GDPD5: variants seen among roughly 807,000 people sequenced by gnomAD.
GDPD5 encodes glycerophosphodiester phosphodiesterase 2.
In GDPD5, 48 loss-of-function variants were observed where a neutral mutation model predicts 75.1. The observed-to-expected ratio is 0.64, with a 90% CI of 0.51 to 0.81. The LOEUF is 0.81. Ranked by LOEUF, GDPD5 falls within the 40% of genes least tolerant of loss-of-function variation. The pLI, the probability that GDPD5 is intolerant of heterozygous loss-of-function variation, is 0.00. For synonymous variants in GDPD5, 336 were observed against 339.0 expected (o/e 0.99, Z 0.10); for missense variants, 706 against 822.6 (o/e 0.86, Z 1.73).
chr11:75,471,280 G>A (rs771479735), intron 3 of GDPD5, among the ~76,000 whole-genome samples: 1 of 152,222 alleles, frequency 6.6e-6, no homozygotes, highest in Non-Finnish European at 1.5e-5. Flanking sequence ...ATTTGGGGGA[G>A]GTGGTGGCCT....
chr11:75,518,573 T>C (rs1204981278), intron 1 of GDPD5, among the ~76,000 whole-genome samples: 1 of 152,234 alleles, frequency 6.6e-6, no homozygotes, highest in Non-Finnish European at 1.5e-5. Context: ...AGCCATGGGC[T>C]TGGATGCCCA....
chr11:75,456,759 T>C lies in GDPD5; in HGVS notation c.373A>G (p.Lys125Glu). The stretch of plus-strand genomic sequence containing the variant: ...GCCCCGGCCGAGGCGGCCCTTACCT[T>C]GTGCAGCCAGTGCAGGTTCATCTGC... Reference protein sequence around the residue: ...GQQMNLHWLHKIGLVVILAST... With the variant: ...GQQMNLHWLHEIGLVVILAST... The change falls in exon 6 of 17, where the codon AAG (lysine) becomes GAG (glutamate). Residue 125 changes from lysine to glutamate, a missense_variant and splice_region_variant. By Grantham distance (56) the Lys-to-Glu change is moderately conservative. Transcript: ENST00000336898. 3 of 1,614,162 alleles carry C rather than the reference T, an allele frequency of 1.9e-6. No individual in the cohort carries two copies. The highest frequency in any genetic ancestry group is 2.5e-6 in the Non-Finnish European group (3 of 1,180,016).
At chr11:75,454,079 C>T (rs1309418660) in intron 6 of GDPD5, among the ~76,000 whole-genome samples, 2 of 152,038 alleles carry the variant, frequency 1.3e-5, no homozygotes, top group African/African-American at 2.4e-5. Context: ...GAGCAAAGTC[C>T]AAGGATGAAT....
At chr11:75,511,624 T>C (rs1349479845) in intron 1 of GDPD5, among the ~76,000 whole-genome samples, 1 of 151,874 alleles carries the variant, frequency 6.6e-6, no homozygotes, top group Non-Finnish European at 1.5e-5. Flanking sequence ...CGGGACAAGG[T>C]CTGCAGGTTG....
At chr11:75,481,572 A>G (rs1480028430) in intron 2 of GDPD5, among the ~76,000 whole-genome samples, 2 of 151,960 alleles carry the variant, frequency 1.3e-5, no homozygotes, top group African/African-American at 4.8e-5. Context: ...TAGAGAGACC[A>G]TGGGTGGGGG....
chr11:75,521,074 G>A (rs771337763), intron 1 of GDPD5, among the ~76,000 whole-genome samples: 9 of 152,186 alleles, frequency 5.9e-5, no homozygotes, highest in African/African-American at 1.2e-4. Flanking sequence ...CCAGGGTCAC[G>A]AAAGACGATG....
chr11:75,434,784 G>C lies in GDPD5; in HGVS notation c.*723C>G. On this transcript the variant is annotated 3_prime_UTR_variant, in exon 17 of 17. Transcript: ENST00000336898. ...TGTGGCCACTGATGTGGGAACCTGA[G>C]GTCACATCAGTCTGTGGACTCCTGG... 6.6e-6 allele frequency: 1 copy of C among 152,360 alleles called. No homozygotes were observed. Among genetic ancestry groups the C allele is most frequent in the African/African-American group, 2.4e-5 (1 of 41,460 alleles). 9.4% of individuals were successfully genotyped at this position (152,360 alleles called of 1,614,324 possible).
In GDPD5 at chr11:75,490,220, C is replaced by T. The variant is rs1367886391; in HGVS notation, c.-61+17G>A. On this transcript the variant is annotated intron_variant, in intron 2 of 16. Coordinates refer to ENST00000336898, the MANE Select transcript of GDPD5 (RefSeq NM_030792.8). ...TCTGTCTTGAACTCCTTTCTTCCTC[C>T]CTCCTTTTCTCTTTACCTGGAAGAA... The T allele has an allele frequency of 6.6e-6, 1 of 152,228 alleles. No homozygotes were observed. Among genetic ancestry groups the T allele is most frequent in the Admixed American group, 6.5e-5 (1 of 15,288 alleles). 9.4% of individuals were successfully genotyped at this position (152,228 alleles called of 1,614,324 possible). A position where few individuals can be genotyped will look rare whatever the true frequency, so the allele number is the denominator to read the frequency against.
chr11:75,483,297 C>T (rs1297455200), intron 2 of GDPD5, among the ~76,000 whole-genome samples: 1 of 152,204 alleles, frequency 6.6e-6, no homozygotes, highest in African/African-American at 2.4e-5. Flanking sequence ...CTACCCTGTA[C>T]TTGCACAGCC....
intron 2 of GDPD5, among the ~76,000 whole-genome samples, chr11:75,480,690 C>T (rs1267905553): frequency 6.6e-6 from 1 of 152,170 alleles, no homozygotes; most frequent in Non-Finnish European, 1.5e-5. Flanking sequence ...GATTCATACC[C>T]ACGCAGGTTG....
chr11:75,475,470 G>C (rs565746860), intron 3 of GDPD5, among the ~76,000 whole-genome samples: 1 of 152,320 alleles, frequency 6.6e-6, no homozygotes, highest in South Asian at 2.1e-4. Flanking sequence ...CTGTCTTTGA[G>C]ACACTAGGTC....
At chr11:75,442,653 A>G in intron 11 of GDPD5, 72 bp from the exon 12 acceptor site, 1 of 1,396,200 alleles carries the variant, frequency 7.2e-7, no homozygotes, top group Non-Finnish European at 1.0e-6. Context: ...CCTTCTGGCA[A>G]CCAAGCGTGG....
chr11:75,439,187 C>T (rs528456078), intron 15 of GDPD5, among the ~76,000 whole-genome samples: 12 of 152,210 alleles, frequency 7.9e-5, no homozygotes, highest in African/African-American at 2.2e-4. Flanking sequence ...AAGAGGATTG[C>T]GGGGGTAAGG....
intron 2 of GDPD5, among the ~76,000 whole-genome samples, chr11:75,481,796 A>C (rs1004374163): frequency 1.3e-5 from 2 of 151,938 alleles, no homozygotes; most frequent in South Asian, 4.2e-4. Flanking sequence ...GGAAGGGAGG[A>C]GGCGGGTGCA....
At chr11:75,481,764 T>C (rs1224633182) in intron 2 of GDPD5, among the ~76,000 whole-genome samples, 1 of 152,144 alleles carries the variant, frequency 6.6e-6, no homozygotes, top group East Asian at 1.9e-4. Flanking sequence ...TGTCAGCCAC[T>C]ACATCTGCCC....
At position 75,441,154 on chromosome 11, in the gene GDPD5, C is replaced by A. The variant is rs1948787529; in HGVS notation, c.1473+9G>T. 2 of 1,613,246 alleles carry A rather than the reference C, an allele frequency of 1.2e-6. No individual in the cohort carries two copies. The highest frequency in any genetic ancestry group is 3.3e-5 in the Admixed American group (2 of 60,016). ...CTGCCCCCCAGGGGCCCTCTGCCCCCCAACTCACCATGATCCAGAGGGGGG... is the reference window on the plus strand; with the variant it reads ...CTGCCCCCCAGGGGCCCTCTGCCCCACAACTCACCATGATCCAGAGGGGGG... On this transcript the variant is annotated intron_variant, in intron 14 of 16. Coordinates refer to ENST00000336898, the MANE Select transcript of GDPD5 (RefSeq NM_030792.8).
chr11:75,514,289 C>T (rs1488131563), intron 1 of GDPD5, among the ~76,000 whole-genome samples: 1 of 152,222 alleles, frequency 6.6e-6, no homozygotes, highest in Admixed American at 6.5e-5. Context: ...GGCTAGGGTC[C>T]CAGAGGGGGA....
At chr11:75,443,472 C>T (rs576105093) in intron 10 of GDPD5, among the ~76,000 whole-genome samples, 186 bp from the exon 11 acceptor site, 2 of 152,278 alleles carry the variant, frequency 1.3e-5, no homozygotes, top group South Asian at 4.2e-4. Flanking sequence ...CCTGAAGGTC[C>T]AATGCCTTCT....
rs1249489266 is a variant in GDPD5, at chr11:75,449,897, C to G, written c.462G>C (p.Leu154=). ...QLWEDEWEVL[L]ISLQGTAPFL... ...CCTCCTCACTCACCTGCAGGGAGAT[C>G]AGCAGCACCTCCCACTCGTCCTCCC... The change falls in exon 7 of 17, where the codon CTG becomes CTC. Residue 154 remains leucine (L), a synonymous_variant. Coordinates refer to ENST00000336898, the MANE Select transcript of GDPD5 (RefSeq NM_030792.8). The G allele has an allele frequency of 1.9e-6, 3 of 1,613,396 alleles. No homozygotes were observed. The African/African-American group carries it at 4.0e-5, about 22-fold the overall frequency.
Sources: gnomAD v4.1 joint callset for allele counts (sites outside exome capture counted in the v4.1 genomes callset) on GRCh38, gnomAD v4.1.1 for gene constraint, MANE v1.5 for transcripts, NCBI Gene and HGNC (gene_info 2026-07-23, HGNC 2026-07-21) for gene names.